The following TRIP11 variants were observed in gnomAD, a reference collection of about 807,000 sequenced individuals.
TRIP11 encodes thyroid hormone receptor interactor 11.
TRIP11 carries 148 observed loss-of-function variants against 223.1 expected under a neutral mutation model. The ratio of observed to expected loss-of-function variants is 0.66; its 90% CI spans 0.58 to 0.76. The LOEUF is 0.76. TRIP11 is among the 30% of genes least tolerant of loss of function. The pLI is 0.00. For synonymous variants in TRIP11, 762 were observed against 772.6 expected, an observed-to-expected ratio of 0.99 and a Z score of 0.23; for missense variants, 2,043 against 2,222.0, an observed-to-expected ratio of 0.92 and a Z score of 1.62.
chr14:91,969,632 G>T lies in TRIP11; in HGVS notation c.*41C>A. The T allele has an allele frequency of 6.3e-7, 1 of 1,597,014 alleles. No homozygotes were observed. The highest frequency in any genetic ancestry group is 8.6e-7 in the Non-Finnish European group (1 of 1,166,138). Reference sequence around the variant, plus strand: ...AAAGTACATACATATAGTGTTCATGGTTTCTTTAAAGTGCTAGATTGTCTC... The same window carrying T: ...AAAGTACATACATATAGTGTTCATGTTTTCTTTAAAGTGCTAGATTGTCTC... On this transcript the variant is annotated 3_prime_UTR_variant, in exon 21 of 21. Coordinates refer to ENST00000267622, the MANE Select transcript of TRIP11 (RefSeq NM_004239.4).
In TRIP11 at chr14:92,006,034, C is replaced by T; in HGVS notation, c.1942G>A (p.Glu648Lys). The change falls in exon 11 of 21, where the codon GAA becomes AAA. Residue 648 changes from glutamate to lysine, a missense_variant. By Grantham distance (56) the Glu-to-Lys change is moderately conservative. Coordinates refer to ENST00000267622, the MANE Select transcript of TRIP11 (RefSeq NM_004239.4). ...TGCTTTAAGTTTCTAACTTCAGCTTCTCTTTCTTTAAGTAAGGTATCCTTA... is the reference window on the plus strand; with the variant it reads ...TGCTTTAAGTTTCTAACTTCAGCTTTTCTTTCTTTAAGTAAGGTATCCTTA... ...NFKDTLLKER[E>K]AEVRNLKQNL... 1 of 1,584,790 alleles carries T rather than the reference C, an allele frequency of 6.3e-7. No homozygotes were observed. The highest frequency in any genetic ancestry group is 8.5e-7 in the Non-Finnish European group (1 of 1,170,072).
Position 91,968,429 on chromosome 14 carries a change from C to G in TRIP11, c.*1244G>C, listed in dbSNP as rs2056360902. 4.8e-6 allele frequency: 1 copy of G among 209,592 alleles called. No homozygotes were observed. The highest frequency in any genetic ancestry group is 2.3e-5 in the African/African-American group (1 of 43,916). 13.0% of individuals were successfully genotyped at this position (209,592 alleles called of 1,614,324 possible). On this transcript the variant is annotated 3_prime_UTR_variant, in exon 21 of 21. Coordinates refer to ENST00000267622, the MANE Select transcript of TRIP11 (RefSeq NM_004239.4). ...GTGCTATCAAAGTGATTTCACTGCC[C>G]TCAGTGGCCACCGTGATAACAGTTG...
In TRIP11 at chr14:91,972,215, A is replaced by G. The variant is rs575809980; in HGVS notation, c.5719+502T>C. Among the ~76,000 whole-genome samples, 4 of 152,316 alleles carry G rather than the reference A, an allele frequency of 2.6e-5. No homozygotes were observed. In the East Asian group the frequency reaches 5.8e-4, roughly 22 times the overall value. ...AAAAGAGTGCTTTCTACATTCTTGG[A>G]GTCTCAAGTCAGTTTGTTAAACTGC... On this transcript the variant is annotated intron_variant, in intron 20 of 20. Transcript: ENST00000267622.
intron 1 of TRIP11, among the ~76,000 whole-genome samples, chr14:92,036,585 T>C (rs1162365254): frequency 1.2e-4 from 18 of 152,254 alleles, no homozygotes; most frequent in Admixed American, 1.2e-3. Flanking sequence ...TAGTGTTAGG[T>C]AAAACTGCAA....
At chr14:92,030,335 G>A (rs1329565931) in intron 2 of TRIP11, among the ~76,000 whole-genome samples, 1 of 151,986 alleles carries the variant, frequency 6.6e-6, no homozygotes, top group Non-Finnish European at 1.5e-5. Flanking sequence ...TTGTGACAAG[G>A]ACTTAAACCA....
intron 13 of TRIP11, among the ~76,000 whole-genome samples, chr14:91,997,595 T>A (rs886385073): frequency 1.3e-5 from 2 of 151,952 alleles, no homozygotes; most frequent in African/African-American, 4.8e-5. Context: ...GCAAGATTCA[T>A]AGAACAACTT....
chr14:91,996,393 T>C (rs1230286786), intron 13 of TRIP11, among the ~76,000 whole-genome samples: 2 of 152,156 alleles, frequency 1.3e-5, no homozygotes, highest in Admixed American at 6.5e-5. Context: ...AATAAAAATG[T>C]AGTCCAGGTG....
At chr14:92,031,910 C>T (rs1346847809) in intron 2 of TRIP11, among the ~76,000 whole-genome samples, 1 of 151,996 alleles carries the variant, frequency 6.6e-6, no homozygotes, top group Non-Finnish European at 1.5e-5. Flanking sequence ...CTTCCTGGGC[C>T]CTAAGATCAG....
intron 13 of TRIP11, 70 bp from the exon 14 acceptor site, chr14:91,995,585 T>A: frequency 6.8e-7 from 1 of 1,470,032 alleles, no homozygotes; most frequent in South Asian, 1.2e-5. Flanking sequence ...GAAGCCACCT[T>A]CCCTACATCT....
chr14:92,018,522 A>G (rs868437988), intron 4 of TRIP11, among the ~76,000 whole-genome samples: 1 of 152,096 alleles, frequency 6.6e-6, no homozygotes, highest in African/African-American at 2.4e-5. Context: ...TAATATTACT[A>G]TGTAGCATTT....
intron 4 of TRIP11, 93 bp from the exon 5 acceptor site, chr14:92,017,843 A>C: frequency 3.6e-6 from 4 of 1,119,446 alleles, no homozygotes; most frequent in Non-Finnish European, 5.3e-6. Context: ...ATACTTTTGT[A>C]AAAAGGGGGA....
In TRIP11 at chr14:91,978,294, T is replaced by A. The variant is rs1037972113; in HGVS notation, c.5261-2105A>T. 6.6e-6 allele frequency among the ~76,000 whole-genome samples: 1 copy of A among 152,074 alleles called. No homozygotes were observed. The highest frequency in any genetic ancestry group is 1.5e-5 in the Non-Finnish European group (1 of 68,004). On this transcript the variant is annotated intron_variant, in intron 16 of 20. Transcript: ENST00000267622. The surrounding 1 kb of genome is among the most constrained non-coding windows in gnomAD (Gnocchi z 4.4). The stretch of plus-strand genomic sequence containing the variant: ...GGAGACAGAGTAAAGATGGGCATGG[T>A]CTTCTCCTCCTTCCTCCTCCATTCC...
chr14:91,970,491 T>A (rs2056388652), intron 20 of TRIP11, among the ~76,000 whole-genome samples: 2 of 152,126 alleles, frequency 1.3e-5, no homozygotes, highest in East Asian at 3.8e-4. Context: ...TACTAATTTG[T>A]ATGGCTAAAA....
chr14:92,039,563 G>A lies in TRIP11; in HGVS notation c.123C>T (p.Gly41=), dbSNP rs1266052279. ...AGCTGTTACCTTCCACTTCCTCCGTGCCCTCCATCAGCATATCCTTTGTAA... is the reference window on the plus strand; with the variant it reads ...AGCTGTTACCTTCCACTTCCTCCGTACCCTCCATCAGCATATCCTTTGTAA... ...SNFTKDMLME[G]TEEVEAELPD... The change falls in exon 1 of 21, where the codon GGC becomes GGT. Residue 41 remains glycine, a synonymous_variant. Coordinates refer to ENST00000267622, the MANE Select transcript of TRIP11 (RefSeq NM_004239.4). The A allele has an allele frequency of 6.2e-7, 1 of 1,613,898 alleles. No individual in the cohort carries two copies. Among genetic ancestry groups the A allele is most frequent in the Admixed American group, 1.7e-5 (1 of 60,002 alleles).
In TRIP11 at chr14:92,004,658, A is replaced by T. The variant is rs1247727063; in HGVS notation, c.3318T>A (p.Asn1106Lys). The T allele has an allele frequency of 6.2e-7, 1 of 1,614,146 alleles. No individual in the cohort carries two copies. The highest frequency in any genetic ancestry group is 8.5e-7 in the Non-Finnish European group (1 of 1,180,020). Reference sequence around the variant, plus strand: ...GATGGCTATTTTCCCTAGTCTTCTCATTCAAAACAGCAAATACCTTTTCTC... The same window carrying T: ...GATGGCTATTTTCCCTAGTCTTCTCTTTCAAAACAGCAAATACCTTTTCTC... ...MEREKVFAVLNEKTRENSHLK... is the reference protein window; with the variant it reads ...MEREKVFAVLKEKTRENSHLK... Residue 1106 changes from asparagine (N) to lysine (K), a missense_variant, in exon 11 of 21, where the codon AAT becomes AAA. Coordinates refer to ENST00000267622, the MANE Select transcript of TRIP11 (RefSeq NM_004239.4).
At chr14:92,008,250 C>A (rs2056929838) in intron 9 of TRIP11, among the ~76,000 whole-genome samples, 1 of 152,150 alleles carries the variant, frequency 6.6e-6, no homozygotes, top group South Asian at 2.1e-4. Context: ...TTCTGCCTTC[C>A]TCACTTCCAT....
At chr14:92,033,501 A>T (rs1221711983) in intron 1 of TRIP11, among the ~76,000 whole-genome samples, 1 of 152,158 alleles carries the variant, frequency 6.6e-6, no homozygotes, top group East Asian at 1.9e-4. Flanking sequence ...ACCCCTTAGA[A>T]ATGTTCATTA....
At position 92,003,839 on chromosome 14, in the gene TRIP11, G is replaced by C; in HGVS notation, c.4137C>G (p.Ala1379=). 6.2e-7 allele frequency: 1 copy of C among 1,614,008 alleles called. No individual in the cohort carries two copies. The highest frequency in any genetic ancestry group is 8.5e-7 in the Non-Finnish European group (1 of 1,180,026). ...GTTCTTTTCTTTCTAGCTCTGAGGT[G>C]GCAGCAATCGAATCAGACAATCTGT... ...NNHRLSDSIA[A]TSELERKEHE... is the part of the protein sequence containing the mutation. The change falls in exon 11 of 21, where the codon GCC becomes GCG. Residue 1379 remains alanine, a synonymous_variant. Transcript: ENST00000267622.
chr14:91,975,145 T>C, intron 18 of TRIP11, 27 bp downstream of exon 18: 1 of 1,575,610 alleles, frequency 6.3e-7, no homozygotes, highest in Non-Finnish European at 8.7e-7. Flanking sequence ...TATGAATGTG[T>C]TCAGATGGCT....
Sources: gnomAD v4.1 joint callset for allele counts (sites outside exome capture counted in the v4.1 genomes callset) on GRCh38, gnomAD v4.1.1 for gene constraint, Gnocchi (gnomAD v3.1) non-coding constraint, MANE v1.5 for transcripts, NCBI Gene and HGNC (gene_info 2026-07-23, HGNC 2026-07-21) for gene names.